The following PHF14 variants were observed in gnomAD, a reference collection of about 807,000 sequenced individuals.
PHF14 encodes the protein PHD finger protein 14.
PHF14 carries 55 observed loss-of-function variants against 117.9 expected under a neutral mutation model. That is an observed-to-expected ratio of 0.47 (90% CI 0.38 to 0.58). The LOEUF (loss-of-function observed/expected upper bound fraction) is 0.58, where lower values mean the gene tolerates loss of function less well. Ranked by LOEUF, PHF14 falls within the 20% of genes least tolerant of loss-of-function variation. The pLI, the probability that PHF14 is intolerant of heterozygous loss-of-function variation, is 0.00. For missense variants in PHF14, 978 were observed against 1,122.2 expected (o/e 0.87, Z 1.84); for synonymous variants, 409 against 368.6 (o/e 1.11, Z -1.26).
chr7:11,102,867 T>C (rs1475202098), intron 16 of PHF14: 17 of 1,144,932 alleles, frequency 1.5e-5, no homozygotes, highest in Non-Finnish European at 1.8e-5. Context: ...TCTTTCCCTC[T>C]TGCTTCTTTG....
intron 2 of PHF14, among the ~76,000 whole-genome samples, chr7:10,976,433 G>C (rs1243606845): frequency 6.6e-6 from 1 of 152,064 alleles, no homozygotes; most frequent in Non-Finnish European, 1.5e-5. Context: ...TTATGGTTGT[G>C]GTTGTAAACT....
At chr7:11,042,611 A>T in intron 12 of PHF14, 72 bp from the exon 13 acceptor site, 1 of 1,060,436 alleles carries the variant, frequency 9.4e-7, no homozygotes, top group East Asian at 2.9e-5. Context: ...TAAGTTGAAA[A>T]ATATGCTATA....
rs756108273 is a variant in PHF14, at chr7:10,988,414, AAC to A, written c.901-2288_901-2287del. Among the ~76,000 whole-genome samples, 8 of 152,252 alleles carry A rather than the reference AAC, an allele frequency of 5.3e-5. 1 individual carries two copies. In the East Asian group the frequency reaches 1.5e-3, roughly 29 times the overall value. On this transcript the variant is annotated intron_variant, in intron 3 of 17. Coordinates refer to ENST00000634607, the MANE Select transcript of PHF14 (RefSeq NM_001007157.2). ...AATTTACTTGTTTCCCATATGGGTA[AAC>A]CTTTTTTCCAGGGCTGAATAATTTT...
chr7:11,011,089 G>C (rs992418015), intron 4 of PHF14, among the ~76,000 whole-genome samples: 21 of 152,202 alleles, frequency 1.4e-4, no homozygotes, highest in African/African-American at 4.8e-4. Flanking sequence ...CTTACTATTA[G>C]GCTATTTTAG....
intron 16 of PHF14, among the ~76,000 whole-genome samples, chr7:11,072,994 A>C (rs1240187622): frequency 6.6e-6 from 1 of 152,148 alleles, no homozygotes; most frequent in Non-Finnish European, 1.5e-5. Flanking sequence ...CTGTGGTCCA[A>C]ACACCTCCCA....
At chr7:11,036,316 G>A (rs1393405297) in intron 8 of PHF14, 102 bp from the exon 9 acceptor site, 2 of 1,027,884 alleles carry the variant, frequency 1.9e-6, no homozygotes, top group African/African-American at 3.2e-5. Context: ...GAGAAGTTCT[G>A]ATTATCTTTC....
At position 10,974,159 on chromosome 7, in the gene PHF14, C is replaced by G. The variant is rs1312638976; in HGVS notation, c.-165C>G. 4.7e-6 allele frequency: 3 copies of G among 639,364 alleles called. No individual in the cohort carries two copies. The highest frequency in any genetic ancestry group is 8.4e-6 in the Non-Finnish European group (3 of 356,910). 39.6% of individuals were successfully genotyped at this position (639,364 alleles called of 1,614,324 possible). On this transcript the variant is annotated 5_prime_UTR_variant, in exon 1 of 18. Transcript: ENST00000634607. Reference sequence around the variant, plus strand: ...CCGGGGGGGCGGGGGGTTAGGGGACCGCGGGGCTACTCTTGGGAGCGCCCC... The same window carrying G: ...CCGGGGGGGCGGGGGGTTAGGGGACGGCGGGGCTACTCTTGGGAGCGCCCC...
At chr7:11,103,079 A>G in intron 16 of PHF14, 2 of 974,690 alleles carry the variant, frequency 2.1e-6, no homozygotes, top group Non-Finnish European at 2.4e-6. Flanking sequence ...TTGTAAAACA[A>G]CTATAGACTC....
chr7:11,072,735 A>C (rs550859902), intron 16 of PHF14, among the ~76,000 whole-genome samples: 2 of 152,350 alleles, frequency 1.3e-5, no homozygotes, highest in Admixed American at 6.5e-5. Flanking sequence ...AAAGAAAGTA[A>C]GTTTATTTGG....
At chr7:11,148,449 CAA>C (rs1351926996) in intron 17 of PHF14, among the ~76,000 whole-genome samples, 1 of 152,196 alleles carries the variant, frequency 6.6e-6, no homozygotes, top group African/African-American at 2.4e-5. Context: ...CTGTTTCCTT[CAA>C]GTCATTCAGG....
chr7:11,166,897 A>G (rs181162308), intron 17 of PHF14, among the ~76,000 whole-genome samples: 189 of 152,310 alleles, frequency 1.2e-3, no homozygotes, highest in Admixed American at 2.7e-3. Context: ...GCATGCATTT[A>G]TAAACTGTAC....
At chr7:11,129,711 A>G (rs1265301784) in intron 17 of PHF14, among the ~76,000 whole-genome samples, 1 of 151,950 alleles carries the variant, frequency 6.6e-6, no homozygotes, top group East Asian at 1.9e-4. Flanking sequence ...TGTGCCACAT[A>G]CTTCACTAGG....
chr7:11,153,486 G>A (rs189827513), intron 17 of PHF14, among the ~76,000 whole-genome samples: 1 of 152,176 alleles, frequency 6.6e-6, no homozygotes, highest in Admixed American at 6.5e-5. Context: ...TTGGAGACAA[G>A]TAGCAGTTGG....
At chr7:11,068,487 C>T (rs765585985) in intron 16 of PHF14, among the ~76,000 whole-genome samples, 5 of 151,350 alleles carry the variant, frequency 3.3e-5, no homozygotes, top group Non-Finnish European at 5.9e-5. Context: ...CTAGAGTAGT[C>T]AGATTTATAG....
At chr7:11,149,384 G>A (rs1056153387) in intron 17 of PHF14, among the ~76,000 whole-genome samples, 2 of 152,064 alleles carry the variant, frequency 1.3e-5, no homozygotes, top group African/African-American at 4.8e-5. Flanking sequence ...TTGGCTATGG[G>A]ACCCTGGGGA....
At position 11,035,756 on chromosome 7, in the gene PHF14, G is replaced by C; in HGVS notation, c.1572G>C (p.Glu524Asp). ...LQSYCKMSLQ[E>D]REKQLSPEAQ... ...CCTATTGTAAAATGTCTTTGCAAGA[G>C]AGAGAGAAGCAACTATCACCAGAAG... The change falls in exon 8 of 18, where the codon GAG (glutamate) becomes GAC (aspartate). Residue 524 changes from glutamate to aspartate, a missense_variant. Physicochemically the swap from Glu to Asp is conservative, Grantham distance 45. This residue lies in a region of PHF14 where 237 missense variants were observed against 276.4 expected (regional missense o/e 0.86). Coordinates refer to ENST00000634607, the MANE Select transcript of PHF14 (RefSeq NM_001007157.2). 6.2e-7 allele frequency: 1 copy of C among 1,608,460 alleles called. No homozygotes were observed. Among genetic ancestry groups the C allele is most frequent in the Non-Finnish European group, 8.5e-7 (1 of 1,176,954 alleles).
At chr7:10,986,981 A>AT (rs888610186) in intron 3 of PHF14, among the ~76,000 whole-genome samples, 2 of 152,008 alleles carry the variant, frequency 1.3e-5, no homozygotes, top group African/African-American at 2.4e-5. Context: ...GCTGAGTAGA[A>AT]TTTTTTTTCC....
At chr7:11,074,445 C>T (rs1303665474) in intron 16 of PHF14, among the ~76,000 whole-genome samples, 1 of 152,040 alleles carries the variant, frequency 6.6e-6, no homozygotes, top group African/African-American at 2.4e-5. Context: ...CTCCTGACCT[C>T]GTGATCCGCC....
intron 16 of PHF14, among the ~76,000 whole-genome samples, chr7:11,086,745 G>T (rs1421598390): frequency 6.6e-6 from 1 of 152,080 alleles, no homozygotes; most frequent in East Asian, 1.9e-4. Context: ...ACAAAACATT[G>T]AAATTTTGGT....
Sources: gnomAD v4.1 joint callset for allele counts (sites outside exome capture counted in the v4.1 genomes callset) on GRCh38, gnomAD v4.1.1 for gene constraint, gnomAD v4.1.1 regional missense constraint, MANE v1.5 for transcripts, NCBI Gene and HGNC (gene_info 2026-07-23, HGNC 2026-07-21) for gene names.